SHC4: variants seen among roughly 807,000 people sequenced by gnomAD.
The protein encoded by SHC4 is SHC-transforming protein 4.
Under a neutral mutation model 69.4 loss-of-function variants are expected in SHC4, and 41 were observed. That is an observed-to-expected ratio of 0.59 (90% confidence interval 0.46 to 0.77). The LOEUF is 0.77. SHC4 is among the 30% of genes least tolerant of loss of function. The pLI, the probability that SHC4 is intolerant of heterozygous loss-of-function variation, is 0.00. For missense variants in SHC4, 777 were observed against 783.8 expected (o/e 0.99, Z 0.10); for synonymous variants, 318 against 299.3 (o/e 1.06, Z -0.64).
chr15:48,835,053 C>T (rs371800121), intron 10 of SHC4, 31 bp from the exon 11 acceptor site: 3 of 1,580,814 alleles, frequency 1.9e-6, no homozygotes, highest in Non-Finnish European at 1.7e-6. Context: ...GAGACATCAT[C>T]GAGTTACCTC....
chr15:48,941,538 GT>G (rs1406303531), intron 1 of SHC4, among the ~76,000 whole-genome samples: 1 of 152,108 alleles, frequency 6.6e-6, no homozygotes, highest in Non-Finnish European at 1.5e-5. Flanking sequence ...TTGATAGAAA[GT>G]TTGACAGTAA....
Position 48,857,825 on chromosome 15 carries a change from G to A in SHC4, c.947-10C>T. 1.3e-6 allele frequency: 2 copies of A among 1,492,162 alleles called. No homozygotes were observed. The highest frequency in any genetic ancestry group is 2.4e-5 in the East Asian group (1 of 42,334). 92.4% of individuals were successfully genotyped at this position (1,492,162 alleles called of 1,614,324 possible). A position where few individuals can be genotyped will look rare whatever the true frequency, so the allele number is the denominator to read the frequency against. On this transcript the variant is annotated splice_polypyrimidine_tract_variant and intron_variant, in intron 6 of 11. Transcript: ENST00000332408. ...TCCAATATGTGACAGGCTGCAAGAG[G>A]ACATACAAAAAATAATATTATAATA...
At chr15:48,838,418 T>C (rs985785827) in intron 10 of SHC4, among the ~76,000 whole-genome samples, 7 of 152,238 alleles carry the variant, frequency 4.6e-5, no homozygotes, top group Admixed American at 2.6e-4. Flanking sequence ...ATTGACTGTA[T>C]ACTGTTTATT....
At chr15:48,886,419 T>C (rs1226252424) in intron 3 of SHC4, among the ~76,000 whole-genome samples, 1 of 152,202 alleles carries the variant, frequency 6.6e-6, no homozygotes, top group African/African-American at 2.4e-5. Context: ...GTATTTATTA[T>C]ATAGGAGACA....
chr15:48,950,067 A>G (rs959609004), intron 1 of SHC4, among the ~76,000 whole-genome samples: 2 of 138,260 alleles, frequency 1.4e-5, no homozygotes, highest in East Asian at 3.9e-4. Flanking sequence ...TTATTAACAT[A>G]CAATAAACAT....
intron 2 of SHC4, among the ~76,000 whole-genome samples, chr15:48,897,345 A>T (rs910111703): frequency 5.9e-5 from 9 of 152,214 alleles, no homozygotes; most frequent in African/African-American, 2.2e-4. Flanking sequence ...TGCCTACGCC[A>T]TAAGACCAAA....
At chr15:48,841,116 A>C (rs1898981441) in intron 10 of SHC4, among the ~76,000 whole-genome samples, 1 of 152,178 alleles carries the variant, frequency 6.6e-6, no homozygotes, top group Non-Finnish European at 1.5e-5. Context: ...TTGAAGACTA[A>C]ATTATAAAGG....
chr15:48,945,277 C>T (rs1350349906), intron 1 of SHC4, among the ~76,000 whole-genome samples: 1 of 151,712 alleles, frequency 6.6e-6, no homozygotes, highest in Non-Finnish European at 1.5e-5. Flanking sequence ...GGCAACCAAC[C>T]ATTGCATTCC....
At chr15:48,943,594 T>G in intron 1 of SHC4, among the ~76,000 whole-genome samples, 1 of 152,198 alleles carries the variant, frequency 6.6e-6, no homozygotes. Flanking sequence ...AATGCTGATT[T>G]CATTTCCTTT....
intron 1 of SHC4, among the ~76,000 whole-genome samples, chr15:48,954,041 A>G (rs16961937): frequency 0.11 from 16,628 of 152,242 alleles, 1,077 homozygotes; most frequent in African/African-American, 0.17. Context: ...TCCATTTAAT[A>G]TTGCCTCCTA....
intron 2 of SHC4, among the ~76,000 whole-genome samples, chr15:48,906,049 C>A (rs1222611890): frequency 6.6e-6 from 1 of 152,156 alleles, no homozygotes; most frequent in African/African-American, 2.4e-5. Context: ...AAACTGCCAA[C>A]AGCTTGTCAT....
intron 1 of SHC4, among the ~76,000 whole-genome samples, chr15:48,952,270 G>A (rs1901376710): frequency 6.6e-6 from 1 of 152,168 alleles, no homozygotes; most frequent in African/African-American, 2.4e-5. Context: ...TTCTGGGGTT[G>A]TCCCTAAAGC....
intron 1 of SHC4, among the ~76,000 whole-genome samples, chr15:48,950,392 A>C (rs1028788642): frequency 2.0e-5 from 3 of 151,886 alleles, no homozygotes; most frequent in Non-Finnish European, 4.4e-5. Context: ...TCTCCACCAG[A>C]TAGAAGACAT....
intron 2 of SHC4, among the ~76,000 whole-genome samples, chr15:48,899,085 C>T (rs1900273178): frequency 6.6e-6 from 1 of 150,434 alleles, no homozygotes; most frequent in Non-Finnish European, 1.5e-5. Flanking sequence ...CTTACTTAGT[C>T]ACCCACTTTA....
At chr15:48,925,374 C>T (rs1052493820) in intron 1 of SHC4, among the ~76,000 whole-genome samples, 6 of 152,114 alleles carry the variant, frequency 3.9e-5, no homozygotes, top group African/African-American at 1.4e-4. Flanking sequence ...TTATTTCCTA[C>T]ATATAAATAA....
chr15:48,874,790 C>T (rs1033295047), intron 4 of SHC4, among the ~76,000 whole-genome samples: 4 of 152,182 alleles, frequency 2.6e-5, no homozygotes, highest in African/African-American at 7.2e-5. Flanking sequence ...TGGTGGCAGG[C>T]TACATAGTGG....
chr15:48,864,435 T>A (rs1020040806), intron 6 of SHC4, among the ~76,000 whole-genome samples: 1 of 126,776 alleles, frequency 7.9e-6, no homozygotes, highest in Non-Finnish European at 1.7e-5. Context: ...AATACCACTT[T>A]CTTTTTTTTT....
intron 8 of SHC4, among the ~76,000 whole-genome samples, chr15:48,852,006 A>T (rs1899223481): frequency 6.6e-6 from 1 of 152,210 alleles, no homozygotes; most frequent in Non-Finnish European, 1.5e-5. Flanking sequence ...TGTGAGAAAA[A>T]CAGAAGATTG....
chr15:48,825,919 T>C lies in SHC4; in HGVS notation c.*52A>G. 6.3e-7 allele frequency: 1 copy of C among 1,578,580 alleles called. No homozygotes were observed. Among genetic ancestry groups the C allele is most frequent in the Non-Finnish European group, 8.6e-7 (1 of 1,163,814 alleles). On this transcript the variant is annotated 3_prime_UTR_variant, in exon 12 of 12. Transcript: ENST00000332408. Reference sequence around the variant, plus strand: ...CAAAGTTTAAATTATCTTTGTGTCCTAATACAAAATGGGGTTTCTTGAAAT... The same window carrying C: ...CAAAGTTTAAATTATCTTTGTGTCCCAATACAAAATGGGGTTTCTTGAAAT...
Sources: allele counts gnomAD v4.1 joint callset (sites outside exome capture counted in the v4.1 genomes callset), GRCh38; gene constraint gnomAD v4.1.1; transcripts MANE v1.5; gene names NCBI Gene and HGNC (gene_info 2026-07-23, HGNC 2026-07-21).